The following LAMA5 variants were observed in gnomAD, a reference collection of about 807,000 sequenced individuals.
The protein encoded by LAMA5 is laminin subunit alpha-5.
LAMA5 carries 260 observed loss-of-function variants against 433.4 expected under a neutral mutation model. The observed-to-expected ratio is 0.60, with a 90% CI of 0.54 to 0.66. The LOEUF (loss-of-function observed/expected upper bound fraction) is 0.66. Among genes scored for constraint, LAMA5 ranks in the 30% least tolerant of loss-of-function variants. The probability of loss-of-function intolerance (pLI) is 0.00; values close to 1 mark genes in which losing one functional copy is unlikely to be tolerated. For synonymous variants in LAMA5, 2,620 were observed against 2,226.6 expected (o/e 1.18, Z -4.97); for missense variants, 5,378 against 5,258.5 (o/e 1.02, Z -0.70).
chr20:62,316,392 A>G, intron 57 of LAMA5: 1 of 532,730 alleles, frequency 1.9e-6, no homozygotes, highest in Non-Finnish European at 3.3e-6. Context: ...GGGTCAGCAG[A>G]GCAGAGGCCA....
rs544501244 is a variant in LAMA5 at position 62,310,085 on chromosome 20, G to T, written c.10735-4C>A. On this transcript the variant is annotated splice_polypyrimidine_tract_variant and splice_region_variant and intron_variant, in intron 77 of 79. Coordinates refer to ENST00000252999, the MANE Select transcript of LAMA5 (RefSeq NM_005560.6). ...CGTCATCCGCCCGCAGCAGGACCTG[G>T]CGGGGTAGGAAGGGAGGGTCAGGCT... 91 of 1,611,370 alleles carry T rather than the reference G, an allele frequency of 5.6e-5. No homozygotes were observed. In the East Asian group the frequency reaches 1.9e-3, roughly 34 times the overall value.
At position 62,313,660 on chromosome 20, in the gene LAMA5, T is replaced by C; in HGVS notation, c.8647A>G (p.Ser2883Gly). The change falls in exon 63 of 80, where the codon AGT (serine) becomes GGT (glycine). Residue 2883 changes from serine (S) to glycine (G), a missense_variant. Coordinates refer to ENST00000252999, the MANE Select transcript of LAMA5 (RefSeq NM_005560.6). ...CCGGGCGGGCTCACCGTGAAGGTACTGGGGTACCCCCCGACGTAGAAGACG... is the reference window on the plus strand; with the variant it reads ...CCGGGCGGGCTCACCGTGAAGGTACCGGGGTACCCCCCGACGTAGAAGACG... ...DFVFYVGGYP[S>G]TFTPPPLLRF... 1 of 1,612,724 alleles carries C rather than the reference T, an allele frequency of 6.2e-7. No individual in the cohort carries two copies. Among genetic ancestry groups the C allele is most frequent in the Non-Finnish European group, 8.5e-7 (1 of 1,179,930 alleles).
chr20:62,331,381 C>A (rs956945765), intron 28 of LAMA5, among the ~76,000 whole-genome samples: 3 of 151,880 alleles, frequency 2.0e-5, no homozygotes, highest in Admixed American at 6.6e-5. Context: ...ACCCAGGCGT[C>A]CGACCGAGCC....
chr20:62,341,826 C>CA lies in LAMA5; in HGVS notation c.1478-3219dup, dbSNP rs11466846. 7.5e-3 allele frequency among the ~76,000 whole-genome samples: 960 copies of CA among 128,012 alleles called. 12 individuals are homozygous for CA. The highest frequency in any genetic ancestry group is 0.031 in the African/African-American group (828 of 26,488). 84.0% of individuals were successfully genotyped at this position (128,012 alleles called of 152,430 possible). On this transcript the variant is annotated intron_variant, in intron 11 of 79. Transcript: ENST00000252999. ...CGAACCTCTGTTAGGTCTGATCAAC[C>CA]AAAAAAAAAAAAAAAAAAAAAGAAG...
In LAMA5 at chr20:62,336,512, A is replaced by G. The variant is rs549718857; in HGVS notation, c.2218-67T>C. The G allele has an allele frequency of 3.9e-5, 55 of 1,408,800 alleles. No individual in the cohort carries two copies. The African/African-American group carries it at 6.2e-4, about 16-fold the overall frequency. The allele number at this position is 1,408,800 out of a possible 1,614,324, so 87.3% of individuals were successfully genotyped here. A position where few individuals can be genotyped will look rare whatever the true frequency, so the allele number is the denominator to read the frequency against. On this transcript the variant is annotated intron_variant, in intron 17 of 79. Transcript: ENST00000252999. ...TCTCCCACCCACAAACCATAGAGCC[A>G]TAGAGCCCTGACAAGGGGTGGTGAG... is the stretch of plus-strand genomic sequence containing the variant.
At chr20:62,357,714 C>T (rs1470469562) in intron 2 of LAMA5, among the ~76,000 whole-genome samples, 2 of 152,210 alleles carry the variant, frequency 1.3e-5, no homozygotes, top group South Asian at 2.1e-4. Context: ...TGGGGTTGGA[C>T]GCCGCCATGC....
Position 62,352,287 on chromosome 20 carries a change from G to A in LAMA5, c.642C>T (p.Ile214=), listed in dbSNP as rs531074826. ...CGATGCGTGAGTACTCGGTGGTGCA[G>A]ATGGCCGCGTCGTCCCGTGTGATGC... ...LERITRDDAA[I]CTTEYSRIVP... is the part of the protein sequence containing the mutation. Residue 214 remains isoleucine (I), a synonymous_variant, in exon 4 of 80, where the codon ATC becomes ATT. Coordinates refer to ENST00000252999, the MANE Select transcript of LAMA5 (RefSeq NM_005560.6). 6.4e-5 allele frequency: 103 copies of A among 1,600,420 alleles called. 2 individuals carry two copies. In the South Asian group the frequency reaches 1.1e-3, roughly 16 times the overall value.
intron 11 of LAMA5, among the ~76,000 whole-genome samples, chr20:62,340,031 G>T (rs1480749529): frequency 6.6e-6 from 1 of 151,924 alleles, no homozygotes; most frequent in East Asian, 1.9e-4. Context: ...CAAACACAGA[G>T]GAGTGAGGAC....
chr20:62,366,404 G>A (rs964733212), intron 1 of LAMA5, among the ~76,000 whole-genome samples: 2 of 152,196 alleles, frequency 1.3e-5, no homozygotes, highest in African/African-American at 4.8e-5. Flanking sequence ...CCCCTCCTGG[G>A]AGCCACGTGT....
Position 62,322,294 on chromosome 20 carries a change from C to T in LAMA5, c.6321G>A (p.Trp2107Ter). The T allele has an allele frequency of 6.3e-7, 1 of 1,600,000 alleles. No individual in the cohort carries two copies. The highest frequency in any genetic ancestry group is 8.5e-7 in the Non-Finnish European group (1 of 1,175,852). ...PQCRECAPGY[W>*]GLPEQGCRRC... is the part of the protein sequence containing the mutation. ...GCCTGCAGCCCTGCTCAGGGAGCCC[C>T]CAGTAGCCAGGGGCACACTCGCGGC... Residue 2107 changes from tryptophan (W) to a stop codon, truncating the protein, a stop_gained, in exon 47 of 80, where the codon TGG becomes TGA. Transcript: ENST00000252999. LOFTEE classifies it high-confidence loss of function.
In LAMA5 at chr20:62,323,840, C is replaced by G; in HGVS notation, c.5785G>C (p.Val1929Leu). The change falls in exon 44 of 80, where the codon GTC becomes CTC. Residue 1929 changes from valine (V) to leucine (L), a missense_variant. Transcript: ENST00000252999. ...CACTGGGTGCGGCCGCCTCGCAGGACACAGCCCTCGGCGAAGCTGCAAAGA... is the reference window on the plus strand; with the variant it reads ...CACTGGGTGCGGCCGCCTCGCAGGAGACAGCCCTCGGCGAAGCTGCAAAGA... ...VPSNNFAEGC[V>L]LRGGRTQCLC... The G allele has an allele frequency of 6.2e-7, 1 of 1,608,896 alleles. No homozygotes were observed. Among genetic ancestry groups the G allele is most frequent in the Non-Finnish European group, 8.5e-7 (1 of 1,178,130 alleles).
intron 56 of LAMA5, 24 bp downstream of exon 56, chr20:62,316,858 C>T (rs1568905034): frequency 9.8e-6 from 15 of 1,533,858 alleles, no homozygotes; most frequent in Non-Finnish European, 1.3e-5. Flanking sequence ...CCTGCTGGGG[C>T]TGAGGGGAAG....
Position 62,332,627 on chromosome 20 carries a change from C to G in LAMA5, c.3373G>C (p.Gly1125Arg). The change falls in exon 27 of 80, where the codon GGC becomes CGC. Residue 1125 changes from glycine to arginine, a missense_variant. Transcript: ENST00000252999. The part of the protein sequence containing the change: ...YANEDARQEV[G>R]VAVHTPQRAP... ...CGCTGTGGGGTGTGCACGGCCACGC[C>G]CACCTCCTGGCGGGCATCCTCATTG... The G allele has an allele frequency of 1.9e-6, 3 of 1,606,658 alleles. No individual in the cohort carries two copies. Among genetic ancestry groups the G allele is most frequent in the Non-Finnish European group, 2.5e-6 (3 of 1,177,002 alleles).
At position 62,314,643 on chromosome 20, in the gene LAMA5, G is replaced by T. The variant is rs373711091; in HGVS notation, c.8279C>A (p.Thr2760Asn). 1.2e-6 allele frequency: 2 copies of T among 1,612,650 alleles called. No homozygotes were observed. The highest frequency in any genetic ancestry group is 1.3e-5 in the African/African-American group (1 of 75,048). Residue 2760 changes from threonine to asparagine, a missense_variant, in exon 61 of 80, where the codon ACT becomes AAT. Coordinates refer to ENST00000252999, the MANE Select transcript of LAMA5 (RefSeq NM_005560.6). ...GCCCTGCAGGTAGAACTTGAGGGCA[G>T]TGTAGGCAGCAAGGTCGGCAAGATC... is the stretch of plus-strand genomic sequence containing the variant. ...PRDLADLAAY[T>N]ALKFYLQGPE... is the part of the protein sequence containing the mutation.
Position 62,317,436 on chromosome 20 carries a change from T to A in LAMA5, c.7420A>T (p.Thr2474Ser). Residue 2474 changes from threonine (T) to serine (S), a missense_variant, in exon 55 of 80, where the codon ACC becomes TCC. Transcript: ENST00000252999. ...ARTPLLQRMQ[T>S]FSPAGSKLRL... ...AGCTTGCTGCCCGCCGGGGAGAAGGTCTGCATCCTCTGCAGCAGTGGGGTC... is the reference window on the plus strand; with the variant it reads ...AGCTTGCTGCCCGCCGGGGAGAAGGACTGCATCCTCTGCAGCAGTGGGGTC... 6.3e-7 allele frequency: 1 copy of A among 1,599,454 alleles called. No homozygotes were observed. The highest frequency in any genetic ancestry group is 8.5e-7 in the Non-Finnish European group (1 of 1,172,178).
At chr20:62,331,705 G>A (rs924395681) in intron 28 of LAMA5, among the ~76,000 whole-genome samples, 12 of 152,200 alleles carry the variant, frequency 7.9e-5, no homozygotes, top group East Asian at 5.8e-4. Context: ...CAACTTATCC[G>A]CTGACACAAC....
rs968762382 is a variant in LAMA5, at chr20:62,333,387, T to C, written c.3116A>G (p.Gln1039Arg). The C allele has an allele frequency of 1.9e-6, 3 of 1,612,534 alleles. No individual in the cohort carries two copies. Among genetic ancestry groups the C allele is most frequent in the Non-Finnish European group, 2.5e-6 (3 of 1,179,860 alleles). Residue 1039 changes from glutamine to arginine, a missense_variant, in exon 25 of 80, where the codon CAG becomes CGG. By Grantham distance (43) the Gln-to-Arg change is conservative. Coordinates refer to ENST00000252999, the MANE Select transcript of LAMA5 (RefSeq NM_005560.6). ...GCATGGCCCTCACTTGTCGCCAGAC[T>C]GCTGGGCAGAGGGACGGTATGTGCA... The part of the protein sequence containing the change: ...EACTYRPSAQ[Q>R]SGDNCLLYTH...
In LAMA5 at chr20:62,359,785, G is replaced by A. The variant is rs1211346615; in HGVS notation, c.450+2615C>T. Among the ~76,000 whole-genome samples, 1 of 151,988 alleles carries A rather than the reference G, an allele frequency of 6.6e-6. No homozygotes were observed. Among genetic ancestry groups the A allele is most frequent in the African/African-American group, 2.4e-5 (1 of 41,358 alleles). ...GGGGGCCCAGGCTCAGCTGCTTCTG[G>A]GTGGACACCACAGGGACTAGTCTCC... On this transcript the variant is annotated intron_variant, in intron 2 of 79. Transcript: ENST00000252999. This position sits in a 1 kb window ranked among gnomAD's most constrained non-coding sequence, Gnocchi z 4.3.
rs1487645529 is a variant in LAMA5, at chr20:62,317,249, C to CA, written c.7511+95dup. On this transcript the variant is annotated intron_variant, in intron 55 of 79. Coordinates refer to ENST00000252999, the MANE Select transcript of LAMA5 (RefSeq NM_005560.6). The stretch of plus-strand genomic sequence containing the variant: ...CTGGCTTCTTTGAGGACAACGGCCT[C>CA]AGCCCCTAGGAGCCTTCCCAGACCA... The CA allele has an allele frequency of 3.7e-6, 5 of 1,350,904 alleles. No homozygotes were observed. The African/African-American group carries it at 7.4e-5, about 20-fold the overall frequency. The allele number at this position is 1,350,904 out of a possible 1,614,324, so 83.7% of individuals were successfully genotyped here.
Sources: gnomAD v4.1 joint callset for allele counts (sites outside exome capture counted in the v4.1 genomes callset) on GRCh38, gnomAD v4.1.1 for gene constraint, Gnocchi (gnomAD v3.1) non-coding constraint, MANE v1.5 for transcripts, NCBI Gene and HGNC (gene_info 2026-07-23, HGNC 2026-07-21) for gene names.